PCDHGB7: variants seen among roughly 807,000 people sequenced by gnomAD.
PCDHGB7 encodes protocadherin gamma subfamily B, 7.
In PCDHGB7, 37 loss-of-function variants were observed where a neutral mutation model predicts 61.4. That is an observed-to-expected ratio of 0.60 (90% CI 0.46 to 0.79). The LOEUF is 0.79. Ranked by LOEUF, PCDHGB7 falls within the 30% of genes least tolerant of loss-of-function variation. The probability of loss-of-function intolerance (pLI) is 0.00; values close to 1 mark genes in which losing one functional copy is unlikely to be tolerated. For missense variants in PCDHGB7, 1,166 were observed against 1,202.5 expected, an observed-to-expected ratio of 0.97 and a Z score of 0.45; for synonymous variants, 464 against 503.5, an observed-to-expected ratio of 0.92 and a Z score of 1.05.
chr5:141,428,594 G>A (rs1317075888), intron 1 of PCDHGB7: 4 of 227,916 alleles, frequency 1.8e-5, no homozygotes, highest in African/African-American at 9.1e-5. Context: ...CTGGTAGCAA[G>A]CTTCACTGAA....
At chr5:141,457,802 T>C (rs1332412750) in intron 1 of PCDHGB7, among the ~76,000 whole-genome samples, 1 of 152,210 alleles carries the variant, frequency 6.6e-6, no homozygotes, top group Non-Finnish European at 1.5e-5. Context: ...TCCTCTCCTC[T>C]TGAGGTCCCA....
chr5:141,504,158 T>G (rs890874880), intron 2 of PCDHGB7, among the ~76,000 whole-genome samples: 1 of 152,222 alleles, frequency 6.6e-6, no homozygotes, highest in Non-Finnish European at 1.5e-5. Context: ...TGAAATAATT[T>G]CATCCTTGGA....
chr5:141,428,077 A>G (rs2097107152), intron 1 of PCDHGB7: 4 of 1,609,206 alleles, frequency 2.5e-6, no homozygotes, highest in South Asian at 1.1e-5. Flanking sequence ...GATTCGGGAC[A>G]CAACGCTTGG....
chr5:141,491,353 T>A lies in PCDHGB7; in HGVS notation c.2416-3454T>A. On this transcript the variant is annotated intron_variant, in intron 1 of 3. Coordinates refer to ENST00000398594, the MANE Select transcript of PCDHGB7 (RefSeq NM_018927.4). This position sits in a 1 kb window ranked among gnomAD's most constrained non-coding sequence, Gnocchi z 6.9. ...GGCTCTAGCGACCGTCAGTCTCTTATCCCTAGTCACCTTCACCTTTCTGTC... is the reference window on the plus strand; with the variant it reads ...GGCTCTAGCGACCGTCAGTCTCTTAACCCTAGTCACCTTCACCTTTCTGTC... The A allele has an allele frequency of 6.2e-7, 1 of 1,614,160 alleles. No homozygotes were observed. Among genetic ancestry groups the A allele is most frequent in the South Asian group, 1.1e-5 (1 of 91,080 alleles).
Position 141,476,019 on chromosome 5 carries a change from C to T in PCDHGB7, c.2416-18788C>T, listed in dbSNP as rs964061075. The T allele has an allele frequency of 3.9e-5, 54 of 1,390,282 alleles. 1 individual carries two copies. Among genetic ancestry groups the T allele is most frequent in the Non-Finnish European group, 4.9e-5 (51 of 1,034,212 alleles). 86.1% of individuals were successfully genotyped at this position (1,390,282 alleles called of 1,614,324 possible). A position where few individuals can be genotyped will look rare whatever the true frequency, so the allele number is the denominator to read the frequency against. Reference sequence around the variant, plus strand: ...ACGGCATCCAGAAAGCCATGTCGGACTCGGCGCCCAGCGCCCAAGCGCTAA... The same window carrying T: ...ACGGCATCCAGAAAGCCATGTCGGATTCGGCGCCCAGCGCCCAAGCGCTAA... On this transcript the variant is annotated intron_variant, in intron 1 of 3. Transcript: ENST00000398594. This position sits in a 1 kb window ranked among gnomAD's most constrained non-coding sequence, Gnocchi z 7.6.
chr5:141,478,911 T>TA, intron 1 of PCDHGB7: 1 of 871,162 alleles, frequency 1.1e-6, no homozygotes, highest in Non-Finnish European at 1.7e-6. Flanking sequence ...AGCTGCTGGA[T>TA]ACCTCTAACC....
At chr5:141,473,066 A>G (rs1002054198) in intron 1 of PCDHGB7, among the ~76,000 whole-genome samples, 3 of 152,128 alleles carry the variant, frequency 2.0e-5, no homozygotes, top group African/African-American at 7.2e-5. Context: ...AACAAGTTAC[A>G]GCATCTTTGT....
chr5:141,509,811 C>T (rs1321920000), intron 3 of PCDHGB7, among the ~76,000 whole-genome samples: 1 of 152,168 alleles, frequency 6.6e-6, no homozygotes, highest in African/African-American at 2.4e-5. Flanking sequence ...TAGAGCCGAG[C>T]TCTTCTCCAT....
At chr5:141,473,369 G>A (rs888984972) in intron 1 of PCDHGB7, among the ~76,000 whole-genome samples, 1 of 152,200 alleles carries the variant, frequency 6.6e-6, no homozygotes, top group African/African-American at 2.4e-5. Context: ...CACCAAAATA[G>A]CATGGTCCCT....
chr5:141,491,136 G>A lies in PCDHGB7; in HGVS notation c.2416-3671G>A, dbSNP rs769904518. On this transcript the variant is annotated intron_variant, in intron 1 of 3. Coordinates refer to ENST00000398594, the MANE Select transcript of PCDHGB7 (RefSeq NM_018927.4). This position sits in a 1 kb window ranked among gnomAD's most constrained non-coding sequence, Gnocchi z 6.9. ...ACACTGGTGAGGTGCGCACAGCCCG[G>A]GCCTTACTGGAGGATGACTCTGACA... The A allele has an allele frequency of 2.4e-5, 38 of 1,614,030 alleles. 1 individual carries two copies. The South Asian group carries it at 4.1e-4, about 17-fold the overall frequency.
intron 1 of PCDHGB7, among the ~76,000 whole-genome samples, chr5:141,452,137 G>A (rs2154563838): frequency 6.6e-6 from 1 of 152,162 alleles, no homozygotes; most frequent in East Asian, 1.9e-4. Flanking sequence ...TGGCTCATGT[G>A]TTTTTTCCAA....
rs138608867 is a variant in PCDHGB7 at position 141,477,655 on chromosome 5, T to C, written c.2416-17152T>C. 5.0e-3 allele frequency: 8,034 copies of C among 1,614,186 alleles called. 44 individuals carry two copies. The highest frequency in any genetic ancestry group is 9.4e-3 in the Admixed American group (567 of 60,020). On this transcript the variant is annotated intron_variant, in intron 1 of 3. Coordinates refer to ENST00000398594, the MANE Select transcript of PCDHGB7 (RefSeq NM_018927.4). The surrounding 1 kb of genome is among the most constrained non-coding windows in gnomAD (Gnocchi z 4.9). ...TAGTGGGTCGCTATTTCACAATAAA[T>C]CGTGACAATGGCATAGTGTCATCCT...
chr5:141,423,759 G>C, intron 1 of PCDHGB7: 1 of 321,042 alleles, frequency 3.1e-6, no homozygotes, highest in Non-Finnish European at 4.5e-6. Flanking sequence ...TTGGGGGGGG[G>C]GTGGGGCGGC....
In PCDHGB7 at chr5:141,440,050, G is replaced by C. The variant is rs747798063; in HGVS notation, c.2415+19776G>C. On this transcript the variant is annotated intron_variant, in intron 1 of 3. Coordinates refer to ENST00000398594, the MANE Select transcript of PCDHGB7 (RefSeq NM_018927.4). ...GTGTCGAGGACATGCCCACTTGAAA[G>C]CTTCGGGTTAATGCTGAGGAATAAT... 6 of 152,826 alleles carry C rather than the reference G, an allele frequency of 3.9e-5. No homozygotes were observed. The East Asian group carries it at 1.2e-3, about 29-fold the overall frequency. 9.5% of individuals were successfully genotyped at this position (152,826 alleles called of 1,614,324 possible). A position where few individuals can be genotyped will look rare whatever the true frequency, so the allele number is the denominator to read the frequency against.
At chr5:141,505,538 T>C in intron 3 of PCDHGB7, 57 bp downstream of exon 3, 1 of 1,610,262 alleles carries the variant, frequency 6.2e-7, no homozygotes, top group Non-Finnish European at 8.5e-7. Context: ...CTGGGGTGCA[T>C]CTCACAGCCA....
chr5:141,487,810 C>G lies in PCDHGB7; in HGVS notation c.2416-6997C>G, dbSNP rs377060474. ...ATTAACCAGAGTTGTCACAGTTTAGCATTGGGGGCGGGTCATGCCTATATC... is the reference window on the plus strand; with the variant it reads ...ATTAACCAGAGTTGTCACAGTTTAGGATTGGGGGCGGGTCATGCCTATATC... On this transcript the variant is annotated intron_variant, in intron 1 of 3. Coordinates refer to ENST00000398594, the MANE Select transcript of PCDHGB7 (RefSeq NM_018927.4). The surrounding 1 kb of genome is among the most constrained non-coding windows in gnomAD (Gnocchi z 5.0). 7.1e-7 allele frequency: 1 copy of G among 1,417,854 alleles called. No homozygotes were observed. The highest frequency in any genetic ancestry group is 2.1e-5 in the Admixed American group (1 of 47,076). The allele number at this position is 1,417,854 out of a possible 1,614,324, so 87.8% of individuals were successfully genotyped here.
At chr5:141,437,659 C>T (rs1006268414) in intron 1 of PCDHGB7, among the ~76,000 whole-genome samples, 10 of 151,870 alleles carry the variant, frequency 6.6e-5, no homozygotes, top group East Asian at 3.9e-4. Context: ...CACATAGTTT[C>T]GAAGAGATGT....
At position 141,489,314 on chromosome 5, in the gene PCDHGB7, G is replaced by C. The variant is rs374235290; in HGVS notation, c.2416-5493G>C. The stretch of plus-strand genomic sequence containing the variant: ...TGCATGTTGTCCTTGTGCTGCTGGG[G>C]CTGGGTGTCTGGGCAGCTTCGTTAC... On this transcript the variant is annotated intron_variant, in intron 1 of 3. Coordinates refer to ENST00000398594, the MANE Select transcript of PCDHGB7 (RefSeq NM_018927.4). This position sits in a 1 kb window ranked among gnomAD's most constrained non-coding sequence, Gnocchi z 4.5. 2 of 1,596,790 alleles carry C rather than the reference G, an allele frequency of 1.3e-6. No homozygotes were observed. The highest frequency in any genetic ancestry group is 2.2e-5 in the East Asian group (1 of 44,724).
chr5:141,422,453 G>A, intron 1 of PCDHGB7: 3 of 1,611,704 alleles, frequency 1.9e-6, no homozygotes, highest in Non-Finnish European at 2.5e-6. Context: ...ATAACAAGCA[G>A]AGTGCTGGAC....
Sources: gnomAD v4.1 joint callset for allele counts (sites outside exome capture counted in the v4.1 genomes callset) on GRCh38, gnomAD v4.1.1 for gene constraint, Gnocchi (gnomAD v3.1) non-coding constraint, MANE v1.5 for transcripts, NCBI Gene and HGNC (gene_info 2026-07-23, HGNC 2026-07-21) for gene names.